CNST: variants seen among roughly 807,000 people sequenced by gnomAD.
CNST encodes consortin.
A neutral mutation model predicts 72.4 loss-of-function variants in CNST; 39 were observed. The observed-to-expected ratio is 0.54, with a 90% CI of 0.42 to 0.70. The LOEUF (loss-of-function observed/expected upper bound fraction) is 0.70, where lower values mean the gene tolerates loss of function less well. Among genes scored for constraint, CNST ranks in the 30% least tolerant of loss-of-function variants. The pLI is 0.00. For missense variants in CNST, 871 were observed against 868.5 expected, an observed-to-expected ratio of 1.00 and a Z score of -0.04; for synonymous variants, 332 against 320.1, an observed-to-expected ratio of 1.04 and a Z score of -0.40.
intron 1 of CNST, among the ~76,000 whole-genome samples, chr1:246,582,905 A>G (rs1660891423): frequency 6.6e-6 from 1 of 152,192 alleles, no homozygotes; most frequent in Non-Finnish European, 1.5e-5. Context: ...CTGAAGATGA[A>G]CAAGGCAGCT....
intron 1 of CNST, 147 bp from the exon 2 acceptor site, chr1:246,591,365 G>A: frequency 1.7e-6 from 1 of 603,526 alleles, no homozygotes; most frequent in Non-Finnish European, 2.9e-6. Context: ...GGGTTGGGTT[G>A]CATATGGTGA....
intron 2 of CNST, among the ~76,000 whole-genome samples, chr1:246,617,732 C>G (rs1034643421): frequency 1.3e-5 from 2 of 152,150 alleles, no homozygotes; most frequent in African/African-American, 2.4e-5. Context: ...GTTCTTTACC[C>G]CATTAATGCT....
At chr1:246,648,189 T>A in intron 9 of CNST, 152 bp downstream of exon 9, 1 of 1,418,070 alleles carries the variant, frequency 7.1e-7, no homozygotes, top group Middle Eastern at 2.6e-4. Flanking sequence ...TAGTAGTTTT[T>A]ACATTTGTAT....
chr1:246,617,830 CTAAAG>C (rs1194949188), intron 2 of CNST, among the ~76,000 whole-genome samples: 1 of 152,102 alleles, frequency 6.6e-6, no homozygotes, highest in Non-Finnish European at 1.5e-5. Context: ...TTATATGTGC[CTAAAG>C]TAAAGTACAT....
chr1:246,580,682 G>C (rs1660719834), intron 1 of CNST, among the ~76,000 whole-genome samples: 1 of 152,144 alleles, frequency 6.6e-6, no homozygotes, highest in Admixed American at 6.6e-5. Context: ...ATCTTTTAAA[G>C]ATTCAGCATA....
chr1:246,612,714 C>G (rs535246812), intron 2 of CNST, among the ~76,000 whole-genome samples: 1 of 152,012 alleles, frequency 6.6e-6, no homozygotes, highest in Admixed American at 6.6e-5. Flanking sequence ...TGGTGAAACC[C>G]CATCTCTAAA....
At chr1:246,579,710 G>GC (rs1304212861) in intron 1 of CNST, among the ~76,000 whole-genome samples, 1 of 152,118 alleles carries the variant, frequency 6.6e-6, no homozygotes, top group East Asian at 1.9e-4. Flanking sequence ...AGCCAAGATT[G>GC]CCCCACTGCA....
intron 2 of CNST, among the ~76,000 whole-genome samples, chr1:246,596,561 A>T (rs566148004): frequency 2.6e-5 from 4 of 152,330 alleles, no homozygotes; most frequent in African/African-American, 9.6e-5. Context: ...TTTTTTAAAC[A>T]GTTTTATTAA....
At chr1:246,584,821 A>C (rs952986295) in intron 1 of CNST, among the ~76,000 whole-genome samples, 134 of 152,154 alleles carry the variant, frequency 8.8e-4, no homozygotes, top group Non-Finnish European at 1.9e-4. Context: ...CGGTATATGG[A>C]TCTCCTATGA....
At chr1:246,663,877 A>T (rs992140334) in intron 10 of CNST, among the ~76,000 whole-genome samples, 1 of 152,182 alleles carries the variant, frequency 6.6e-6, no homozygotes, top group African/African-American at 2.4e-5. Flanking sequence ...TACCTCTGGG[A>T]TGGGAAGGAA....
At position 246,642,001 on chromosome 1, in the gene CNST, G is replaced by T. The variant is rs1202400212; in HGVS notation, c.901G>T (p.Asp301Tyr). 1.9e-6 allele frequency: 3 copies of T among 1,612,260 alleles called. No individual in the cohort carries two copies. Among genetic ancestry groups the T allele is most frequent in the Non-Finnish European group, 2.5e-6 (3 of 1,179,056 alleles). Residue 301 changes from aspartate to tyrosine, a missense_variant, in exon 8 of 11, where the codon GAT (aspartate) becomes TAT (tyrosine). Asp to Tyr is a radical substitution (Grantham distance 160). Transcript: ENST00000366513. The stretch of plus-strand genomic sequence containing the variant: ...CTCCACGCAGTTACTAGTGTCTGAA[G>T]ATCCAAAGGAAGGAGGAGCTACCAC... ...KCSTQLLVSEDPKEGGATTKE... is the reference protein window; with the variant it reads ...KCSTQLLVSEYPKEGGATTKE...
At chr1:246,582,774 A>T (rs528853188) in intron 1 of CNST, among the ~76,000 whole-genome samples, 56 of 152,260 alleles carry the variant, frequency 3.7e-4, no homozygotes, top group Middle Eastern at 3.4e-3. Context: ...TTCTCTTGAG[A>T]TTACCTCTCC....
chr1:246,642,761 A>C (rs1665792508), intron 8 of CNST, among the ~76,000 whole-genome samples: 1 of 88,502 alleles, frequency 1.1e-5, no homozygotes, highest in African/African-American at 4.4e-5. Flanking sequence ...GAGAGCCCTA[A>C]TATTGAAGAG....
At chr1:246,616,083 A>G (rs1663670296) in intron 2 of CNST, among the ~76,000 whole-genome samples, 1 of 152,200 alleles carries the variant, frequency 6.6e-6, no homozygotes, top group Non-Finnish European at 1.5e-5. Context: ...TTCACGGATG[A>G]CAACGATAAA....
rs376120180 is a variant in CNST at position 246,641,745 on chromosome 1, A to G, written c.819-4A>G. The stretch of plus-strand genomic sequence containing the variant: ...AATTCTTTTTTCTTTCTTTTTTCCT[A>G]CAGTCCTCTTTTATCCAAACATAAG... On this transcript the variant is annotated splice_region_variant and splice_polypyrimidine_tract_variant and intron_variant, in intron 6 of 10. Coordinates refer to ENST00000366513, the MANE Select transcript of CNST (RefSeq NM_152609.3). 5 of 1,327,392 alleles carry G rather than the reference A, an allele frequency of 3.8e-6. No homozygotes were observed. Among genetic ancestry groups the G allele is most frequent in the African/African-American group, 2.9e-5 (2 of 67,878 alleles). 82.2% of individuals were successfully genotyped at this position (1,327,392 alleles called of 1,614,324 possible). A position where few individuals can be genotyped will look rare whatever the true frequency, so the allele number is the denominator to read the frequency against.
chr1:246,584,858 A>C (rs940103263), intron 1 of CNST, among the ~76,000 whole-genome samples: 11 of 151,396 alleles, frequency 7.3e-5, no homozygotes, highest in African/African-American at 9.7e-5. Flanking sequence ...TTTTTCCCCC[A>C]GTTTTCTTTT....
intron 3 of CNST, among the ~76,000 whole-genome samples, chr1:246,630,752 G>T (rs1248280879): frequency 1.3e-5 from 2 of 151,860 alleles, no homozygotes; most frequent in Non-Finnish European, 2.9e-5. Context: ...GGTTTGTTTT[G>T]GTTTTTTTTT....
intron 10 of CNST, among the ~76,000 whole-genome samples, chr1:246,661,577 G>C (rs1414481156): frequency 6.6e-6 from 1 of 152,242 alleles, no homozygotes; most frequent in African/African-American, 2.4e-5. Flanking sequence ...TCCTGGGCCT[G>C]TCAAACTTAA....
chr1:246,643,029 T>C (rs1196986197), intron 8 of CNST, among the ~76,000 whole-genome samples: 1 of 150,140 alleles, frequency 6.7e-6, no homozygotes, highest in African/African-American at 2.5e-5. Flanking sequence ...GCTGAGATTA[T>C]AGGCACACAC....
Sources: allele counts gnomAD v4.1 joint callset (sites outside exome capture counted in the v4.1 genomes callset), GRCh38; gene constraint gnomAD v4.1.1; transcripts MANE v1.5; gene names NCBI Gene and HGNC (gene_info 2026-07-23, HGNC 2026-07-21).